The following EXT1 variants were observed in gnomAD, a reference collection of about 807,000 sequenced individuals.
EXT1 encodes exostosin glycosyltransferase 1, also known as exostosin-1.
In EXT1, 20 loss-of-function variants were observed where a neutral mutation model predicts 82.5. That is an observed-to-expected ratio of 0.24 (90% confidence interval 0.17 to 0.35). The LOEUF (loss-of-function observed/expected upper bound fraction) is 0.35. Ranked by LOEUF, EXT1 falls within the 10% of genes least tolerant of loss-of-function variation. The pLI is 1.00. For missense variants in EXT1, 757 were observed against 936.5 expected (o/e 0.81, Z 2.50); for synonymous variants, 348 against 350.8 (o/e 0.99, Z 0.09).
At chr8:117,863,948 C>T (rs1239613872) in intron 1 of EXT1, among the ~76,000 whole-genome samples, 1 of 152,210 alleles carries the variant, frequency 6.6e-6, no homozygotes, top group Admixed American at 6.5e-5. Flanking sequence ...AAGTTGTTTA[C>T]ATGTTGCAGA....
intron 1 of EXT1, among the ~76,000 whole-genome samples, chr8:117,942,587 T>A (rs1814305485): frequency 6.6e-6 from 1 of 152,084 alleles, no homozygotes; most frequent in Admixed American, 6.5e-5. Flanking sequence ...GGTGCACGCC[T>A]GTAATCCCAG....
intron 1 of EXT1, among the ~76,000 whole-genome samples, chr8:118,052,563 A>G (rs11562760): frequency 6.6e-6 from 1 of 152,174 alleles, no homozygotes; most frequent in Non-Finnish European, 1.5e-5. Flanking sequence ...TCACAGAATG[A>G]TATGTGCAAG....
At chr8:118,023,743 T>C (rs868820886) in intron 1 of EXT1, among the ~76,000 whole-genome samples, 6 of 152,334 alleles carry the variant, frequency 3.9e-5, no homozygotes, top group African/African-American at 1.4e-4. Context: ...AAAGCAATAG[T>C]AAATTTGAAA....
intron 1 of EXT1, among the ~76,000 whole-genome samples, chr8:117,893,645 G>C (rs938143799): frequency 6.6e-6 from 1 of 152,146 alleles, no homozygotes; most frequent in African/African-American, 2.4e-5. Flanking sequence ...CCAATCCCTG[G>C]TGCCTTCCGC....
At chr8:118,076,900 TTC>T (rs2129974588) in intron 1 of EXT1, among the ~76,000 whole-genome samples, 1 of 144,342 alleles carries the variant, frequency 6.9e-6, no homozygotes, top group South Asian at 2.2e-4. Flanking sequence ...AATAAAATAT[TTC>T]TTTTTTGTTG....
At chr8:117,885,507 A>AAAAAAAAAAAAAAAAAAAAT (rs1813132581) in intron 1 of EXT1, among the ~76,000 whole-genome samples, 1 of 151,650 alleles carries the variant, frequency 6.6e-6, no homozygotes. Flanking sequence ...AAAAAAAAAA[A>AAAAAAAAAAAAAAAAAAAAT]AAAAAGAAAG....
intron 1 of EXT1, among the ~76,000 whole-genome samples, chr8:118,044,000 G>A (rs1475146375): frequency 1.3e-5 from 2 of 152,116 alleles, no homozygotes; most frequent in Non-Finnish European, 2.9e-5. Context: ...ATTTACATCA[G>A]CTCATTGTGT....
At chr8:118,049,435 C>T (rs548532367) in intron 1 of EXT1, among the ~76,000 whole-genome samples, 3 of 152,110 alleles carry the variant, frequency 2.0e-5, no homozygotes, top group Admixed American at 2.0e-4. Context: ...CCCACAGAAC[C>T]CAGAATTTGT....
intron 1 of EXT1, among the ~76,000 whole-genome samples, chr8:117,848,639 A>G (rs562520328): frequency 2.6e-5 from 4 of 152,310 alleles, no homozygotes; most frequent in African/African-American, 9.6e-5. Flanking sequence ...GAGCACTGGG[A>G]CGCCATGAAG....
At chr8:118,047,719 A>T (rs538902258) in intron 1 of EXT1, among the ~76,000 whole-genome samples, 1 of 152,296 alleles carries the variant, frequency 6.6e-6, no homozygotes, top group South Asian at 2.1e-4. Flanking sequence ...TTAATACGAA[A>T]AAATATCTGC....
chr8:117,899,901 T>A (rs1813410117), intron 1 of EXT1, among the ~76,000 whole-genome samples: 2 of 152,144 alleles, frequency 1.3e-5, no homozygotes, highest in Admixed American at 1.3e-4. Flanking sequence ...TAAGAGTGGA[T>A]CTAAACTCAA....
chr8:118,102,553 A>G (rs1162690320), intron 1 of EXT1, among the ~76,000 whole-genome samples: 1 of 152,222 alleles, frequency 6.6e-6, no homozygotes, highest in Non-Finnish European at 1.5e-5. Context: ...GCTCCAATAC[A>G]TAAGTGTCTG....
chr8:118,068,598 C>A (rs1455044478), intron 1 of EXT1, among the ~76,000 whole-genome samples: 3 of 151,972 alleles, frequency 2.0e-5, no homozygotes, highest in Non-Finnish European at 4.4e-5. Context: ...TTTTTAATCC[C>A]CATGTTAAAT....
chr8:118,028,177 A>G (rs951400369), intron 1 of EXT1, among the ~76,000 whole-genome samples: 1 of 152,222 alleles, frequency 6.6e-6, no homozygotes, highest in Non-Finnish European at 1.5e-5. Context: ...ACAGATGGCG[A>G]AAGTGCCCAT....
At chr8:117,924,207 G>C (rs1813913552) in intron 1 of EXT1, among the ~76,000 whole-genome samples, 1 of 152,136 alleles carries the variant, frequency 6.6e-6, no homozygotes, top group African/African-American at 2.4e-5. Flanking sequence ...ACTGTACTAG[G>C]GAAATATTTA....
chr8:117,822,066 A>C (rs1181036239), intron 5 of EXT1, among the ~76,000 whole-genome samples: 2 of 152,034 alleles, frequency 1.3e-5, no homozygotes, highest in Non-Finnish European at 2.9e-5. Flanking sequence ...CTTTCCTCTT[A>C]TTCAGTTTTT....
intron 1 of EXT1, among the ~76,000 whole-genome samples, chr8:117,839,410 ATGTATG>A (rs1341311607): frequency 2.0e-5 from 3 of 152,212 alleles, no homozygotes; most frequent in African/African-American, 7.2e-5. Flanking sequence ...ATACCATTAT[ATGTATG>A]TGTATATGTG....
intron 1 of EXT1, among the ~76,000 whole-genome samples, chr8:117,946,851 C>G (rs1172854376): frequency 6.6e-6 from 1 of 152,216 alleles, no homozygotes; most frequent in African/African-American, 2.4e-5. Context: ...AGGAATGAAA[C>G]AGAATTGACT....
At chr8:117,964,333 G>A (rs1003825859) in intron 1 of EXT1, among the ~76,000 whole-genome samples, 3 of 152,210 alleles carry the variant, frequency 2.0e-5, no homozygotes, top group African/African-American at 7.2e-5. Flanking sequence ...TGCATGTACA[G>A]CAAATTCTGA....
Sources: allele counts gnomAD v4.1 joint callset (sites outside exome capture counted in the v4.1 genomes callset), GRCh38; gene constraint gnomAD v4.1.1; transcripts MANE v1.5; gene names NCBI Gene and HGNC (gene_info 2026-07-23, HGNC 2026-07-21).